The following OR9Q1 variants were observed in gnomAD, a reference collection of about 807,000 sequenced individuals.
OR9Q1 encodes the protein olfactory receptor family 9 subfamily Q member 1, also known as olfactory receptor 9Q1.
For synonymous variants in OR9Q1, 153 were observed against 148.6 expected (o/e 1.03, Z -0.22); for missense variants, 374 against 378.8 (o/e 0.99, Z 0.11).
At chr11:58,094,232 A>G (rs918723106) in intron 2 of OR9Q1, among the ~76,000 whole-genome samples, 1 of 152,158 alleles carries the variant, frequency 6.6e-6, no homozygotes, top group African/African-American at 2.4e-5. Context: ...TAAATGGGAG[A>G]TAAATAATGT....
chr11:58,082,786 C>A (rs1291591619), intron 2 of OR9Q1, among the ~76,000 whole-genome samples: 3 of 141,826 alleles, frequency 2.1e-5, no homozygotes, highest in African/African-American at 2.7e-5. Flanking sequence ...GTTAGGTCTT[C>A]TTTTTTTAAA....
chr11:58,027,989 G>A (rs1304617034), intron 1 of OR9Q1, among the ~76,000 whole-genome samples: 2 of 151,688 alleles, frequency 1.3e-5, no homozygotes, highest in Non-Finnish European at 2.9e-5. Context: ...AGGCCCCAGG[G>A]TGGATGCTGG....
At chr11:58,056,151 T>C (rs1853325965) in intron 2 of OR9Q1, among the ~76,000 whole-genome samples, 1 of 152,210 alleles carries the variant, frequency 6.6e-6, no homozygotes, top group Admixed American at 6.5e-5. Context: ...GCCAGTCTTT[T>C]TGGTGTTTGC....
At chr11:58,082,902 G>C (rs368860086) in intron 2 of OR9Q1, among the ~76,000 whole-genome samples, 1 of 148,568 alleles carries the variant, frequency 6.7e-6, no homozygotes, top group South Asian at 2.2e-4. Flanking sequence ...CCATTAACTC[G>C]TCATTTAGCA....
Position 58,081,896 on chromosome 11 carries a change from T to A in OR9Q1, c.-15+25949T>A, listed in dbSNP as rs898906844. 2.0e-5 allele frequency among the ~76,000 whole-genome samples: 3 copies of A among 152,124 alleles called. No homozygotes were observed. In the South Asian group the frequency reaches 6.2e-4, roughly 32 times the overall value. ...GGCTTTCTTAAGATATTAGTTACAG[T>A]GTTGACTTAAATTGACCTTTCTATC... On this transcript the variant is annotated intron_variant, in intron 2 of 2. Transcript: ENST00000335397.
intron 2 of OR9Q1, among the ~76,000 whole-genome samples, chr11:58,163,543 T>C (rs1466074769): frequency 6.6e-6 from 1 of 152,204 alleles, no homozygotes; most frequent in African/African-American, 2.4e-5. Context: ...CTGGTAAAGG[T>C]CATGCCAACT....
At position 58,130,299 on chromosome 11, in the gene OR9Q1, ATAG is replaced by A. The variant is rs576286797; in HGVS notation, c.-14-49128_-14-49126del. 9.8e-5 allele frequency among the ~76,000 whole-genome samples: 15 copies of A among 152,374 alleles called. No individual in the cohort carries two copies. The South Asian group carries it at 2.3e-3, about 23-fold the overall frequency. ...GGCTAAATATATGAAAAAATTTAACATAGTAGGCAGGAAAAATTACAAAAAAAA... is the reference window on the plus strand; with the variant it reads ...GGCTAAATATATGAAAAAATTTAACATAGGCAGGAAAAATTACAAAAAAAA... On this transcript the variant is annotated intron_variant, in intron 2 of 2. Transcript: ENST00000335397.
intron 2 of OR9Q1, among the ~76,000 whole-genome samples, chr11:58,141,201 A>G (rs1467734360): frequency 6.6e-6 from 1 of 152,098 alleles, no homozygotes; most frequent in Non-Finnish European, 1.5e-5. Context: ...CTAATTGAAT[A>G]CCCTTTATTT....
intron 2 of OR9Q1, among the ~76,000 whole-genome samples, chr11:58,147,864 G>A (rs1411275358): frequency 6.6e-6 from 1 of 152,050 alleles, no homozygotes; most frequent in Non-Finnish European, 1.5e-5. Context: ...AAATAAAAAA[G>A]TCTCATTCTT....
chr11:58,122,397 G>T (rs908786204), intron 2 of OR9Q1, among the ~76,000 whole-genome samples: 1 of 152,210 alleles, frequency 6.6e-6, no homozygotes, highest in Non-Finnish European at 1.5e-5. Context: ...CTCACTAGCT[G>T]AGTAAACTTC....
At chr11:58,045,931 C>T (rs1215589988) in intron 1 of OR9Q1, among the ~76,000 whole-genome samples, 1 of 152,206 alleles carries the variant, frequency 6.6e-6, no homozygotes, top group East Asian at 1.9e-4. Context: ...AACCTTGGCC[C>T]CTGCCCCACT....
At chr11:58,024,834 C>T (rs569187714) in intron 1 of OR9Q1, among the ~76,000 whole-genome samples, 2 of 152,248 alleles carry the variant, frequency 1.3e-5, no homozygotes, top group Admixed American at 1.3e-4. Flanking sequence ...TGGCGGGGCT[C>T]CGAGCTGCAG....
intron 1 of OR9Q1, among the ~76,000 whole-genome samples, chr11:58,030,145 G>A (rs1278557349): frequency 6.6e-6 from 1 of 152,102 alleles, no homozygotes; most frequent in Non-Finnish European, 1.5e-5. Flanking sequence ...CCCGGCCTCT[G>A]GCTCTTATCT....
intron 2 of OR9Q1, among the ~76,000 whole-genome samples, chr11:58,058,534 C>T (rs1853348379): frequency 6.6e-6 from 1 of 152,202 alleles, no homozygotes; most frequent in Non-Finnish European, 1.5e-5. Context: ...CTTTGGGACC[C>T]AGCACCGAGG....
chr11:58,119,443 A>T, intron 2 of OR9Q1: 1 of 1,581,250 alleles, frequency 6.3e-7, no homozygotes. Flanking sequence ...ATTCTTGGCC[A>T]TGGAGACAAT....
rs1336859412 is a variant in OR9Q1 at position 58,179,448 on chromosome 11, G to A, written c.4G>A (p.Ala2Thr). Reference protein sequence around the residue: MAEMNLTLVTEF... With the variant: MTEMNLTLVTEF... ...TGTCTCAGGGACCACTGGTGTCATG[G>A]CAGAGATGAACCTCACCTTGGTGAC... Residue 2 changes from alanine to threonine, a missense_variant, in exon 3 of 3, where the codon GCA becomes ACA. Coordinates refer to ENST00000335397, the MANE Select transcript of OR9Q1 (RefSeq NM_001005212.4). The A allele has an allele frequency of 6.4e-7, 1 of 1,556,430 alleles. No individual in the cohort carries two copies. Among genetic ancestry groups the A allele is most frequent in the Non-Finnish European group, 8.7e-7 (1 of 1,149,970 alleles).
At chr11:58,154,384 T>TTA (rs1225345434) in intron 2 of OR9Q1, among the ~76,000 whole-genome samples, 29 of 151,214 alleles carry the variant, frequency 1.9e-4, no homozygotes, top group East Asian at 1.9e-4. Context: ...AATGGATTTT[T>TTA]TTTTTTTTTT....
chr11:58,055,699 C>T (rs1480523649), intron 1 of OR9Q1, among the ~76,000 whole-genome samples, 171 bp from the exon 2 acceptor site: 2 of 150,674 alleles, frequency 1.3e-5, no homozygotes, highest in Non-Finnish European at 2.9e-5. Flanking sequence ...ACTCAGGAGG[C>T]TGAGGTAGGA....
chr11:58,070,785 G>C (rs570775793), intron 2 of OR9Q1, among the ~76,000 whole-genome samples: 1 of 152,320 alleles, frequency 6.6e-6, no homozygotes, highest in South Asian at 2.1e-4. Context: ...GAGGGGCTAA[G>C]AGACAGGATG....
Sources: allele counts gnomAD v4.1 joint callset (sites outside exome capture counted in the v4.1 genomes callset), GRCh38; gene constraint gnomAD v4.1.1; transcripts MANE v1.5; gene names NCBI Gene and HGNC (gene_info 2026-07-23, HGNC 2026-07-21).